Variants in NOC3L observed in about 807,000 individuals in gnomAD.
The protein encoded by NOC3L is nucleolar complex protein 3 homolog.
A neutral mutation model predicts 102.5 loss-of-function variants in NOC3L; 85 were observed. The ratio of observed to expected loss-of-function variants is 0.83; its 90% CI spans 0.70 to 0.99. The LOEUF (loss-of-function observed/expected upper bound fraction) is 0.99. Ranked by LOEUF, NOC3L falls within the 50% of genes least tolerant of loss-of-function variation. NOC3L has a pLI of 0.00. For synonymous variants in NOC3L, 303 were observed against 309.4 expected (o/e 0.98, Z 0.22); for missense variants, 878 against 914.9 (o/e 0.96, Z 0.52).
chr10:94,361,682 G>A lies in NOC3L; in HGVS notation c.200C>T (p.Pro67Leu). 6.8e-7 allele frequency: 1 copy of A among 1,475,848 alleles called. No homozygotes were observed. 91.4% of individuals were successfully genotyped at this position (1,475,848 alleles called of 1,614,324 possible). The stretch of plus-strand genomic sequence containing the variant: ...ACAATTACCTGGTCGCTTTTCCTTT[G>A]GGTTCTCCAATGGAATGGGTTTCTT... ...VSKKPIPLEN[P>L]KEKRPGKRIE... The change falls in exon 2 of 21, where the codon CCA becomes CTA. Residue 67 changes from proline to leucine, a missense_variant. Coordinates refer to ENST00000371361, the MANE Select transcript of NOC3L (RefSeq NM_022451.11).
chr10:94,345,077 A>G (rs1444871431), intron 11 of NOC3L, 144 bp from the exon 12 acceptor site: 3 of 569,974 alleles, frequency 5.3e-6, no homozygotes, highest in Non-Finnish European at 9.1e-6. Context: ...GTAGAGAAAC[A>G]TGGACGGGAA....
chr10:94,336,994 G>A (rs1350529360), intron 19 of NOC3L, among the ~76,000 whole-genome samples: 4 of 151,528 alleles, frequency 2.6e-5, no homozygotes, highest in East Asian at 2.0e-4. Flanking sequence ...GCTTGAACCC[G>A]GGAGGCGGAG....
intron 18 of NOC3L, among the ~76,000 whole-genome samples, chr10:94,338,195 G>A (rs574173862): frequency 2.0e-5 from 3 of 152,292 alleles, no homozygotes; most frequent in South Asian, 2.1e-4. Flanking sequence ...TTTTCTACAA[G>A]TCTCACTCTA....
At chr10:94,343,283 G>A (rs546630361) in intron 13 of NOC3L, among the ~76,000 whole-genome samples, 2 of 152,198 alleles carry the variant, frequency 1.3e-5, no homozygotes, top group South Asian at 2.1e-4. Flanking sequence ...GGTGGCTCAC[G>A]CCTGTAATCC....
chr10:94,324,689 G>A, the NOC3L span: 2 of 1,023,846 alleles, frequency 2.0e-6, no homozygotes, highest in Admixed American at 1.9e-5. Context: ...ATGGAGTTAG[G>A]AGAAAATTGT....
At chr10:94,320,813 T>C in the NOC3L span, among the ~76,000 whole-genome samples, 3 of 152,314 alleles carry the variant, frequency 2.0e-5, no homozygotes, top group East Asian at 5.8e-4. Flanking sequence ...ATTCACCTAA[T>C]TCAAGGGTGT....
intron 11 of NOC3L, among the ~76,000 whole-genome samples, chr10:94,345,271 T>C: frequency 6.6e-6 from 1 of 152,038 alleles, no homozygotes; most frequent in South Asian, 2.1e-4. Context: ...TGCTATCATT[T>C]TCTATTATTA....
the NOC3L span, among the ~76,000 whole-genome samples, chr10:94,321,457 C>A: frequency 6.6e-6 from 1 of 152,136 alleles, no homozygotes; most frequent in Non-Finnish European, 1.5e-5. Context: ...CATGGCGAAA[C>A]CCTGTCTCTA....
At chr10:94,360,837 C>G (rs1270690265) in intron 2 of NOC3L, among the ~76,000 whole-genome samples, 2 of 151,552 alleles carry the variant, frequency 1.3e-5, no homozygotes, top group Non-Finnish European at 2.9e-5. Context: ...TACTATGTAC[C>G]CACAAAATTA....
the NOC3L span, chr10:94,321,830 T>G: frequency 4.0e-4 from 466 of 1,155,290 alleles, no homozygotes; most frequent in Non-Finnish European, 5.6e-4. Context: ...AGCTCAGATT[T>G]TTGCTAGATT....
At chr10:94,342,706 C>T (rs887030787) in intron 13 of NOC3L, among the ~76,000 whole-genome samples, 3 of 148,012 alleles carry the variant, frequency 2.0e-5, no homozygotes, top group African/African-American at 7.6e-5. Flanking sequence ...GGGAGAGGTA[C>T]CAAAAGTAAC....
At chr10:94,339,354 G>GTT (rs2054256306) in intron 17 of NOC3L, among the ~76,000 whole-genome samples, 1 of 151,858 alleles carries the variant, frequency 6.6e-6, no homozygotes, top group African/African-American at 2.4e-5. Context: ...CTTACATAAA[G>GTT]AGAGTAGTGA....
chr10:94,336,153 A>T (rs2133982674), intron 19 of NOC3L, among the ~76,000 whole-genome samples: 1 of 152,242 alleles, frequency 6.6e-6, no homozygotes. Context: ...TTTATAGAAG[A>T]GGCTTCATGA....
chr10:94,341,825 G>A (rs2054289106), intron 13 of NOC3L, 80 bp from the exon 14 acceptor site: 1 of 758,288 alleles, frequency 1.3e-6, no homozygotes, highest in Non-Finnish European at 2.1e-6. Flanking sequence ...CTTTAAAACT[G>A]TATTTTTAAT....
the NOC3L span, among the ~76,000 whole-genome samples, chr10:94,323,757 TTTAAC>T: frequency 3.9e-5 from 6 of 152,258 alleles, no homozygotes; most frequent in South Asian, 2.1e-4. Context: ...CTTACATTTC[TTTAAC>T]TTATCTTTGT....
chr10:94,360,411 C>A (rs1184282774), intron 2 of NOC3L, among the ~76,000 whole-genome samples: 9 of 152,096 alleles, frequency 5.9e-5, no homozygotes, highest in Non-Finnish European at 1.0e-4. Context: ...CTGTGTGCAA[C>A]AACATGGATG....
chr10:94,349,172 G>A, intron 10 of NOC3L, 78 bp downstream of exon 10: 1 of 1,479,528 alleles, frequency 6.8e-7, no homozygotes. Flanking sequence ...CACTTATAAG[G>A]AATAAATTCC....
At chr10:94,322,440 CAT>C in the NOC3L span, among the ~76,000 whole-genome samples, 9 of 152,026 alleles carry the variant, frequency 5.9e-5, no homozygotes, top group African/African-American at 2.2e-4. Context: ...CACTTGAGCT[CAT>C]GAGTTTGAGA....
chr10:94,335,751 T>C (rs1236705578), intron 19 of NOC3L, among the ~76,000 whole-genome samples: 1 of 152,156 alleles, frequency 6.6e-6, no homozygotes, highest in Non-Finnish European at 1.5e-5. Context: ...TTTTTCAAAC[T>C]CTTGAGGCCA....
Sources: gnomAD v4.1 joint callset for allele counts (sites outside exome capture counted in the v4.1 genomes callset) on GRCh38, gnomAD v4.1.1 for gene constraint, MANE v1.5 for transcripts, NCBI Gene and HGNC (gene_info 2026-07-23, HGNC 2026-07-21) for gene names.